The following CSMD1 variants were observed in gnomAD, a reference collection of about 807,000 sequenced individuals.
The protein encoded by CSMD1 is CUB and sushi domain-containing protein 1.
Under a neutral mutation model 417.5 loss-of-function variants are expected in CSMD1, and 213 were observed. The observed-to-expected ratio is 0.51, with a 90% CI of 0.46 to 0.57. CSMD1 has a LOEUF of 0.57. Ranked by LOEUF, CSMD1 falls within the 20% of genes least tolerant of loss-of-function variation. CSMD1 has a pLI of 0.00. For missense variants in CSMD1, 6,923 were observed against 4,529.7 expected, an observed-to-expected ratio of 1.53 and a Z score of -15.17; for synonymous variants, 2,862 against 1,736.8, an observed-to-expected ratio of 1.65 and a Z score of -16.11.
At chr8:3,742,982 T>A (rs1211259939) in intron 6 of CSMD1, among the ~76,000 whole-genome samples, 1 of 152,132 alleles carries the variant, frequency 6.6e-6, no homozygotes, top group Non-Finnish European at 1.5e-5. Context: ...ACACAACTAG[T>A]GGAAGCAGTA....
chr8:3,399,500 T>G lies in CSMD1; in HGVS notation c.2296A>C (p.Ser766Arg). 1 of 1,605,572 alleles carries G rather than the reference T, an allele frequency of 6.2e-7. No homozygotes were observed. Among genetic ancestry groups the G allele is most frequent in the Non-Finnish European group, 8.5e-7 (1 of 1,176,314 alleles). The change falls in exon 16 of 70, where the codon AGC (serine) becomes CGC (arginine). Residue 766 changes from serine to arginine, a missense_variant. Coordinates refer to ENST00000635120, the MANE Select transcript of CSMD1 (RefSeq NM_033225.6). ...APCGGHLTAS[S>R]GVILPPGWPG... ...CATCCAGGAGGCAAAATGACTCCGC[T>G]GGACGCTGTCAGATGTCCACCACAT...
chr8:4,435,538 A>G (rs542223919), intron 2 of CSMD1, among the ~76,000 whole-genome samples: 2 of 152,306 alleles, frequency 1.3e-5, no homozygotes, highest in East Asian at 1.9e-4. Context: ...TGCCTCCTTC[A>G]ACACTCAAAA....
At chr8:3,062,533 AAAC>A (rs201931083) in intron 49 of CSMD1, among the ~76,000 whole-genome samples, 1,706 of 150,620 alleles carry the variant, frequency 0.011, 33 homozygotes, top group African/African-American at 0.039. Context: ...GCAAACTTAA[AAAC>A]AACAACAAAA....
At chr8:3,545,985 C>G (rs1798642638) in intron 10 of CSMD1, among the ~76,000 whole-genome samples, 1 of 152,158 alleles carries the variant, frequency 6.6e-6, no homozygotes, top group Non-Finnish European at 1.5e-5. Context: ...AACAATTAGT[C>G]AACATATTGA....
intron 1 of CSMD1, among the ~76,000 whole-genome samples, chr8:4,754,523 C>T (rs1468116411): frequency 3.3e-5 from 5 of 151,148 alleles, no homozygotes; most frequent in Non-Finnish European, 5.9e-5. Context: ...CCAAAATTAG[C>T]GTCTATGTAC....
intron 2 of CSMD1, among the ~76,000 whole-genome samples, chr8:4,574,277 T>C (rs1799031940): frequency 6.6e-6 from 1 of 152,170 alleles, no homozygotes; most frequent in Admixed American, 6.5e-5. Context: ...AATTTCCTGG[T>C]TTGTTGGATG....
chr8:3,830,178 G>C (rs2129087215), intron 5 of CSMD1, among the ~76,000 whole-genome samples: 1 of 152,262 alleles, frequency 6.6e-6, no homozygotes, highest in East Asian at 1.9e-4. Flanking sequence ...CCATGAAGCT[G>C]ATTTATGAAG....
chr8:3,468,884 C>G (rs770753143), intron 11 of CSMD1, 60 bp from the exon 12 acceptor site: 33 of 1,133,176 alleles, frequency 2.9e-5, no homozygotes, highest in Non-Finnish European at 4.1e-5. Context: ...CGACTTCCAC[C>G]TGAAAGGAGG....
intron 10 of CSMD1, among the ~76,000 whole-genome samples, chr8:3,494,343 T>C (rs1405364222): frequency 6.6e-6 from 1 of 152,200 alleles, no homozygotes; most frequent in Non-Finnish European, 1.5e-5. Flanking sequence ...ATCTATTAAC[T>C]TCTTTCTGTA....
At chr8:3,782,246 G>C (rs1799222588) in intron 5 of CSMD1, among the ~76,000 whole-genome samples, 1 of 152,176 alleles carries the variant, frequency 6.6e-6, no homozygotes, top group Admixed American at 6.5e-5. Flanking sequence ...CAGGATGTTA[G>C]TTTTGTGCTT....
At chr8:4,840,218 T>C (rs1005114307) in intron 1 of CSMD1, among the ~76,000 whole-genome samples, 2 of 13,378 alleles carry the variant, frequency 1.5e-4, no homozygotes, top group Non-Finnish European at 5.7e-4. Flanking sequence ...CTATGAGTCT[T>C]TCCTCTGCCA....
intron 5 of CSMD1, among the ~76,000 whole-genome samples, chr8:3,755,954 T>G (rs7844181): frequency 0.2 from 30,575 of 151,970 alleles, 3,504 homozygotes; most frequent in South Asian, 0.3. Context: ...TTACAAATTC[T>G]ATAGGCCACA....
intron 10 of CSMD1, among the ~76,000 whole-genome samples, chr8:3,524,235 AC>A (rs1797654885): frequency 6.6e-6 from 1 of 151,736 alleles, no homozygotes; most frequent in Admixed American, 6.6e-5. Context: ...ACACATACAC[AC>A]ATACACACCC....
At chr8:4,037,420 G>C (rs10107243) in intron 3 of CSMD1, among the ~76,000 whole-genome samples, 7,280 of 152,218 alleles carry the variant, frequency 0.048, 603 homozygotes, top group African/African-American at 0.16. Flanking sequence ...AGAATAAAGA[G>C]GATGTCTATT....
intron 1 of CSMD1, among the ~76,000 whole-genome samples, chr8:4,866,471 A>C (rs1324262607): frequency 3.9e-5 from 6 of 151,942 alleles, no homozygotes; most frequent in Non-Finnish European, 7.4e-5. Context: ...TTTTCTTTAA[A>C]AAGTGCATTT....
intron 3 of CSMD1, among the ~76,000 whole-genome samples, chr8:4,171,094 G>C (rs1797738720): frequency 6.6e-6 from 1 of 151,814 alleles, no homozygotes; most frequent in South Asian, 2.1e-4. Context: ...CCAGAGTCCA[G>C]CTGTACTACC....
At chr8:4,486,122 CATATATATATATATACATACATAT>C (rs1326797564) in intron 2 of CSMD1, among the ~76,000 whole-genome samples, 16 of 126,960 alleles carry the variant, frequency 1.3e-4, no homozygotes, top group Admixed American at 1.2e-3. Context: ...TATATACATA[CATATATATATATATACATACATAT>C]ATATATATAT....
At chr8:3,526,464 C>A (rs1167698719) in intron 10 of CSMD1, among the ~76,000 whole-genome samples, 1 of 152,078 alleles carries the variant, frequency 6.6e-6, no homozygotes, top group Non-Finnish European at 1.5e-5. Flanking sequence ...TTACCAGAAG[C>A]TGGCTATTCT....
chr8:4,174,991 A>C (rs1337554428), intron 3 of CSMD1, among the ~76,000 whole-genome samples: 1 of 151,544 alleles, frequency 6.6e-6, no homozygotes, highest in Non-Finnish European at 1.5e-5. Context: ...TACTTGCTGA[A>C]TTGGAATCTC....
Sources: gnomAD v4.1 joint callset for allele counts (sites outside exome capture counted in the v4.1 genomes callset) on GRCh38, gnomAD v4.1.1 for gene constraint, MANE v1.5 for transcripts, NCBI Gene and HGNC (gene_info 2026-07-23, HGNC 2026-07-21) for gene names.